The following EYS variants were observed in gnomAD, a reference collection of about 807,000 sequenced individuals.
EYS encodes the protein protein eyes shut homolog.
EYS carries 250 observed loss-of-function variants against 282.1 expected under a neutral mutation model. That is an observed-to-expected ratio of 0.89 (90% CI 0.80 to 0.98). The LOEUF (loss-of-function observed/expected upper bound fraction) is 0.98. Ranked by LOEUF, EYS falls within the 50% of genes least tolerant of loss-of-function variation. The probability of loss-of-function intolerance (pLI) is 0.00; values close to 1 mark genes in which losing one functional copy is unlikely to be tolerated. For missense variants in EYS, 4,016 were observed against 3,709.0 expected (o/e 1.08, Z -2.15); for synonymous variants, 1,355 against 1,282.9 (o/e 1.06, Z -1.20).
intron 26 of EYS, among the ~76,000 whole-genome samples, chr6:64,454,328 G>A (rs868787341): frequency 6.6e-6 from 1 of 151,952 alleles, no homozygotes; most frequent in African/African-American, 2.4e-5. Flanking sequence ...TCTGCATATT[G>A]TTCTTCTTCT....
intron 12 of EYS, among the ~76,000 whole-genome samples, chr6:65,291,209 T>C (rs1300857035): frequency 6.6e-6 from 1 of 151,566 alleles, no homozygotes; most frequent in Non-Finnish European, 1.5e-5. Flanking sequence ...ACTCAATCTT[T>C]TTTTGCTGCT....
chr6:65,035,025 G>A (rs1195052594), intron 13 of EYS, among the ~76,000 whole-genome samples: 1 of 152,056 alleles, frequency 6.6e-6, no homozygotes, highest in Non-Finnish European at 1.5e-5. Context: ...CAGTCAAGTA[G>A]GCCATATTCC....
chr6:64,679,916 C>T (rs185780978), intron 22 of EYS, among the ~76,000 whole-genome samples: 1 of 152,058 alleles, frequency 6.6e-6, no homozygotes, highest in African/African-American at 2.4e-5. Context: ...TTACTTTCTC[C>T]CCTTATATAA....
intron 22 of EYS, among the ~76,000 whole-genome samples, chr6:64,721,638 T>C (rs1196218590): frequency 6.6e-6 from 1 of 152,136 alleles, no homozygotes; most frequent in Non-Finnish European, 1.5e-5. Flanking sequence ...CTGTCATTTT[T>C]CTGAAAATGA....
intron 22 of EYS, among the ~76,000 whole-genome samples, chr6:64,686,806 T>C (rs796300102): frequency 3.3e-5 from 2 of 61,264 alleles, no homozygotes; most frequent in Admixed American, 1.6e-4. Flanking sequence ...TATATATATG[T>C]GTGTATATAT....
chr6:65,113,150 T>A (rs1421528120), intron 12 of EYS, among the ~76,000 whole-genome samples: 1 of 152,058 alleles, frequency 6.6e-6, no homozygotes, highest in African/African-American at 2.4e-5. Flanking sequence ...GTGTTATATA[T>A]CTTTTGAAAA....
chr6:65,502,057 G>A (rs988224278), intron 2 of EYS, among the ~76,000 whole-genome samples: 2 of 151,136 alleles, frequency 1.3e-5, no homozygotes, highest in Non-Finnish European at 3.0e-5. Context: ...ATTTTCCATT[G>A]TCTATGTTTT....
At chr6:63,800,171 G>A (rs1339164277) in intron 37 of EYS, among the ~76,000 whole-genome samples, 1 of 152,142 alleles carries the variant, frequency 6.6e-6, no homozygotes, top group East Asian at 1.9e-4. Flanking sequence ...TATCACTTAC[G>A]TATATCTTTG....
At position 64,591,077 on chromosome 6, in the gene EYS, T is replaced by C; in HGVS notation, c.4790A>G (p.Tyr1597Cys). The part of the protein sequence containing the change: ...WMNSAILASW[Y>C]ALMGAQTITS... ...GATAGTTTGAGCTCCCATTAGTGCA[T>C]ACCAGCTGGCTAATATCGCTGAGTT... Residue 1597 changes from tyrosine to cysteine, a missense_variant, in exon 26 of 43, where the codon TAT becomes TGT. By Grantham distance (194) the Tyr-to-Cys change is radical. Transcript: ENST00000503581. 2 of 1,551,330 alleles carry C rather than the reference T, an allele frequency of 1.3e-6. No homozygotes were observed. Among genetic ancestry groups the C allele is most frequent in the East Asian group, 2.4e-5 (1 of 40,892 alleles).
rs577877867 is a variant in EYS, at chr6:63,864,650, C to T, written c.7056-292G>A. ...CTCATCTTTTATTTCACACTGGGTGCCTTTTCAGGGCTTCATTGAATATGT... is the reference window on the plus strand; with the variant it reads ...CTCATCTTTTATTTCACACTGGGTGTCTTTTCAGGGCTTCATTGAATATGT... On this transcript the variant is annotated intron_variant, in intron 35 of 42. Coordinates refer to ENST00000503581, the MANE Select transcript of EYS (RefSeq NM_001142800.2). 2.0e-4 allele frequency among the ~76,000 whole-genome samples: 31 copies of T among 152,170 alleles called. No individual in the cohort carries two copies. In the South Asian group the frequency reaches 6.0e-3, roughly 30 times the overall value.
intron 12 of EYS, among the ~76,000 whole-genome samples, chr6:65,116,504 G>A (rs976500188): frequency 3.3e-5 from 5 of 152,116 alleles, no homozygotes; most frequent in Admixed American, 3.3e-4. Context: ...TGTACAGAAT[G>A]AGACACTCTC....
intron 32 of EYS, among the ~76,000 whole-genome samples, chr6:64,080,363 A>G (rs1375451929): frequency 1.3e-5 from 2 of 152,298 alleles, no homozygotes; most frequent in Admixed American, 1.3e-4. Context: ...TCTTCTTTTG[A>G]GAAGTGTCTG....
intron 29 of EYS, among the ~76,000 whole-genome samples, chr6:64,350,467 A>G (rs1678476111): frequency 6.6e-6 from 1 of 151,040 alleles, no homozygotes; most frequent in Non-Finnish European, 1.5e-5. Flanking sequence ...TTTTGATAGC[A>G]TTTTCCCAGA....
chr6:64,095,790 T>G (rs1444594931), intron 31 of EYS, among the ~76,000 whole-genome samples: 1 of 152,220 alleles, frequency 6.6e-6, no homozygotes, highest in Non-Finnish European at 1.5e-5. Flanking sequence ...AATTTGATCC[T>G]GTCATTATGA....
chr6:63,899,200 A>G (rs1773605064), intron 35 of EYS, among the ~76,000 whole-genome samples: 1 of 152,212 alleles, frequency 6.6e-6, no homozygotes, highest in Non-Finnish European at 1.5e-5. Flanking sequence ...AGATAATTCA[A>G]GGTCCCTACC....
At chr6:64,257,800 GA>G (rs1278924818) in intron 30 of EYS, among the ~76,000 whole-genome samples, 1 of 151,850 alleles carries the variant, frequency 6.6e-6, no homozygotes, top group Non-Finnish European at 1.5e-5. Context: ...TGATGATGAT[GA>G]TGATGTTGGC....
chr6:63,835,534 A>G (rs1771782800), intron 36 of EYS, among the ~76,000 whole-genome samples: 1 of 152,042 alleles, frequency 6.6e-6, no homozygotes, highest in Admixed American at 6.6e-5. Context: ...TAAGTTATGA[A>G]GATGCAAAGG....
chr6:64,389,363 A>C (rs1289814764), intron 28 of EYS, among the ~76,000 whole-genome samples: 1 of 152,216 alleles, frequency 6.6e-6, no homozygotes, highest in Non-Finnish European at 1.5e-5. Context: ...CAGAGTAATA[A>C]TTTCCATATG....
intron 5 of EYS, chr6:65,489,792 G>A (rs1240267485): frequency 6.6e-6 from 1 of 152,016 alleles, no homozygotes; most frequent in Admixed American, 6.5e-5. Context: ...ATGCTATGCA[G>A]CCATAAAAAA....
Sources: gnomAD v4.1 joint callset for allele counts (sites outside exome capture counted in the v4.1 genomes callset) on GRCh38, gnomAD v4.1.1 for gene constraint, MANE v1.5 for transcripts, NCBI Gene and HGNC (gene_info 2026-07-23, HGNC 2026-07-21) for gene names.